The following NDST3 variants were observed in gnomAD, a reference collection of about 807,000 sequenced individuals.
The protein encoded by NDST3 is N-deacetylase and N-sulfotransferase 3, also known as bifunctional heparan sulfate N-deacetylase/N-sulfotransferase 3.
Under a neutral mutation model 96.1 loss-of-function variants are expected in NDST3, and 58 were observed. That is an observed-to-expected ratio of 0.60 (90% confidence interval 0.49 to 0.75). The LOEUF is 0.75. Among genes scored for constraint, NDST3 ranks in the 30% least tolerant of loss-of-function variants. NDST3 has a pLI of 0.00. For synonymous variants in NDST3, 333 were observed against 359.7 expected (o/e 0.93, Z 0.84); for missense variants, 788 against 1,034.2 (o/e 0.76, Z 3.27).
intron 2 of NDST3, 101 bp downstream of exon 2, chr4:118,054,992 T>C: frequency 1.4e-6 from 2 of 1,474,594 alleles, no homozygotes; most frequent in Non-Finnish European, 1.9e-6. Context: ...GGACATGGGA[T>C]TTACTGGGAA....
At chr4:118,084,261 G>T (rs1208465633) in intron 2 of NDST3, among the ~76,000 whole-genome samples, 4 of 151,818 alleles carry the variant, frequency 2.6e-5, no homozygotes, top group Admixed American at 6.6e-5. Context: ...TGAGATGATG[G>T]ATATGTTATT....
intron 6 of NDST3, among the ~76,000 whole-genome samples, chr4:118,151,639 A>G (rs1734407554): frequency 6.6e-6 from 1 of 152,164 alleles, no homozygotes; most frequent in Non-Finnish European, 1.5e-5. Flanking sequence ...TAATTTTGGT[A>G]ATCAAAGATT....
chr4:118,109,297 G>A (rs979582494), intron 3 of NDST3, among the ~76,000 whole-genome samples: 1 of 152,206 alleles, frequency 6.6e-6, no homozygotes, highest in Admixed American at 6.5e-5. Context: ...GGTGAAATAT[G>A]TGGTGTGTTT....
intron 13 of NDST3, among the ~76,000 whole-genome samples, chr4:118,254,521 A>T (rs1741991114): frequency 6.6e-6 from 1 of 152,146 alleles, no homozygotes; most frequent in Non-Finnish European, 1.5e-5. Flanking sequence ...ACTTAATGCT[A>T]CAGTTTTCTC....
At chr4:118,099,813 C>T (rs1335858054) in intron 2 of NDST3, among the ~76,000 whole-genome samples, 1 of 152,002 alleles carries the variant, frequency 6.6e-6, no homozygotes, top group African/African-American at 2.4e-5. Flanking sequence ...CTGTTTTCAG[C>T]ATATTTCAAT....
chr4:118,190,966 G>A (rs1208723973), intron 6 of NDST3, among the ~76,000 whole-genome samples: 1 of 152,148 alleles, frequency 6.6e-6, no homozygotes, highest in African/African-American at 2.4e-5. Context: ...CACACAGACA[G>A]AAGCAGATTT....
chr4:118,246,111 A>G lies in NDST3; in HGVS notation c.2399+3962A>G, dbSNP rs1741295057. On this transcript the variant is annotated intron_variant, in intron 12 of 13. Coordinates refer to ENST00000296499, the MANE Select transcript of NDST3 (RefSeq NM_004784.3). ...GAAGTTGTTTCAGATTTTATTATGA[A>G]TAAAATCCATTTCCAGGTGCACTGG... Among the ~76,000 whole-genome samples the G allele has an allele frequency of 2.0e-5, 3 of 152,366 alleles. No homozygotes were observed. In the South Asian group the frequency reaches 6.2e-4, roughly 32 times the overall value.
chr4:118,161,986 C>G lies in NDST3; in HGVS notation c.1539+18302C>G, dbSNP rs189527361. ...CATCGCTCACGCTGGGAGCTGTAGA[C>G]CGGAGCTGTTCCTATTCAGCCATCT... On this transcript the variant is annotated intron_variant, in intron 6 of 13. Coordinates refer to ENST00000296499, the MANE Select transcript of NDST3 (RefSeq NM_004784.3). 9.1e-3 allele frequency among the ~76,000 whole-genome samples: 1,383 copies of G among 152,252 alleles called. 25 individuals carry two copies. Among genetic ancestry groups the G allele is most frequent in the Middle Eastern group, 0.082 (24 of 294 alleles).
At chr4:118,225,592 T>G (rs186245767) in intron 7 of NDST3, among the ~76,000 whole-genome samples, 30 of 152,322 alleles carry the variant, frequency 2.0e-4, no homozygotes, top group Admixed American at 1.6e-3. Flanking sequence ...TACTTCTTAA[T>G]CACTGTTCTA....
At chr4:118,244,312 C>G (rs1741178589) in intron 12 of NDST3, among the ~76,000 whole-genome samples, 2 of 152,138 alleles carry the variant, frequency 1.3e-5, no homozygotes, top group Non-Finnish European at 2.9e-5. Flanking sequence ...AGTAACTATA[C>G]TGATAGCTGT....
At chr4:118,118,963 A>G (rs535546839) in intron 4 of NDST3, among the ~76,000 whole-genome samples, 2 of 152,324 alleles carry the variant, frequency 1.3e-5, no homozygotes, top group South Asian at 4.1e-4. Flanking sequence ...GGTGGTGGTT[A>G]AATTTTTAAT....
At chr4:118,146,231 T>C (rs893767481) in intron 6 of NDST3, among the ~76,000 whole-genome samples, 2 of 152,188 alleles carry the variant, frequency 1.3e-5, no homozygotes, top group African/African-American at 2.4e-5. Context: ...ATTTTAATTA[T>C]AGTGGATTTG....
intron 6 of NDST3, among the ~76,000 whole-genome samples, chr4:118,208,328 G>C (rs1332382362): frequency 7.0e-6 from 1 of 143,830 alleles, no homozygotes; most frequent in Non-Finnish European, 1.5e-5. Flanking sequence ...TTTGGCAGTA[G>C]GTGTCCTCTA....
At chr4:118,173,166 A>T (rs968690457) in intron 6 of NDST3, among the ~76,000 whole-genome samples, 1 of 151,812 alleles carries the variant, frequency 6.6e-6, no homozygotes, top group Non-Finnish European at 1.5e-5. Flanking sequence ...ATATATATAT[A>T]TGATAAAATA....
In NDST3 at chr4:118,253,625, A is replaced by C. The variant is rs756386845; in HGVS notation, c.2502+24A>C. On this transcript the variant is annotated intron_variant, in intron 13 of 13. Coordinates refer to ENST00000296499, the MANE Select transcript of NDST3 (RefSeq NM_004784.3). ...ATGTAAGCATAGACCTTAAAAATAC[A>C]AACTAAATCAGCAAAATGGTAACCA... The C allele has an allele frequency of 3.4e-6, 5 of 1,465,264 alleles. No individual in the cohort carries two copies. The Admixed American group carries it at 9.3e-5, about 27-fold the overall frequency. 90.8% of individuals were successfully genotyped at this position (1,465,264 alleles called of 1,614,324 possible).
At chr4:118,248,306 A>C (rs551364190) in intron 12 of NDST3, among the ~76,000 whole-genome samples, 2 of 152,126 alleles carry the variant, frequency 1.3e-5, no homozygotes, top group South Asian at 4.2e-4. Flanking sequence ...AGCCAAGATC[A>C]CACCACTTCA....
chr4:118,044,201 T>C (rs1166627162), intron 1 of NDST3, among the ~76,000 whole-genome samples: 1 of 152,186 alleles, frequency 6.6e-6, no homozygotes, highest in Non-Finnish European at 1.5e-5. Context: ...ACCTCACAGG[T>C]AAAATTGAAA....
At chr4:118,209,144 G>A (rs931261381) in intron 6 of NDST3, among the ~76,000 whole-genome samples, 5 of 152,124 alleles carry the variant, frequency 3.3e-5, no homozygotes, top group Admixed American at 2.6e-4. Flanking sequence ...ATTGTGGAGG[G>A]AGTGATTTAA....
At chr4:118,234,281 G>A (rs554796183) in intron 9 of NDST3, among the ~76,000 whole-genome samples, 54 of 152,142 alleles carry the variant, frequency 3.5e-4, no homozygotes, top group African/African-American at 1.1e-3. Flanking sequence ...GCATGGTGGT[G>A]TACACCTGTG....
Sources: gnomAD v4.1 joint callset for allele counts (sites outside exome capture counted in the v4.1 genomes callset) on GRCh38, gnomAD v4.1.1 for gene constraint, MANE v1.5 for transcripts, NCBI Gene and HGNC (gene_info 2026-07-23, HGNC 2026-07-21) for gene names.